CACHD1: variants seen among roughly 807,000 people sequenced by gnomAD.
CACHD1 encodes the protein cache domain containing 1.
Under a neutral mutation model 138.7 loss-of-function variants are expected in CACHD1, and 71 were observed. The observed-to-expected ratio is 0.51, with a 90% CI of 0.42 to 0.62. The LOEUF is 0.62. CACHD1 is among the 20% of genes least tolerant of loss of function. The pLI is 0.00. For synonymous variants in CACHD1, 578 were observed against 591.5 expected, an observed-to-expected ratio of 0.98 and a Z score of 0.33; for missense variants, 1,389 against 1,625.3, an observed-to-expected ratio of 0.85 and a Z score of 2.50.
intron 4 of CACHD1, among the ~76,000 whole-genome samples, chr1:64,614,281 C>T (rs1420978129): frequency 2.6e-5 from 4 of 152,114 alleles, no homozygotes; most frequent in African/African-American, 9.7e-5. Context: ...CCTGGCTGGA[C>T]ATCTGCCTAT....
At position 64,632,705 on chromosome 1, in the gene CACHD1, G is replaced by C; in HGVS notation, c.751G>C (p.Ala251Pro). 1 of 1,614,166 alleles carries C rather than the reference G, an allele frequency of 6.2e-7. No individual in the cohort carries two copies. The change falls in exon 6 of 27, where the codon GCT becomes CCT. Residue 251 changes from alanine (A) to proline (P), a missense_variant. Coordinates refer to ENST00000651257, the MANE Select transcript of CACHD1 (RefSeq NM_020925.4). The stretch of plus-strand genomic sequence containing the variant: ...TCAGCTTCAGATTGCCAAGGACGCT[G>C]CTCAGGTCATCCTCAGCGCCATCGA... Reference protein sequence around the residue: ...DTQLQIAKDAAQVILSAIDEH... With the variant: ...DTQLQIAKDAPQVILSAIDEH...
intron 1 of CACHD1, among the ~76,000 whole-genome samples, chr1:64,475,793 C>T (rs762807573): frequency 3.9e-5 from 6 of 152,146 alleles, no homozygotes; most frequent in Non-Finnish European, 5.9e-5. Context: ...CGTGATCCAC[C>T]CGCCTCGGCC....
intron 3 of CACHD1, among the ~76,000 whole-genome samples, chr1:64,588,525 T>C (rs1647071022): frequency 6.6e-6 from 1 of 151,456 alleles, no homozygotes; most frequent in African/African-American, 2.4e-5. Flanking sequence ...GGATTACAGG[T>C]GCGCCACCAC....
chr1:64,486,055 T>C (rs1165676421), intron 1 of CACHD1, among the ~76,000 whole-genome samples: 5 of 152,166 alleles, frequency 3.3e-5, no homozygotes, highest in Admixed American at 6.5e-5. Flanking sequence ...ATATAAGTCA[T>C]TGTAAAATGT....
rs1309281347 is a variant in CACHD1 at position 64,579,457 on chromosome 1, G to A, written c.262-2699G>A. ...TTTTATTTTAAAGTGAATTTGTGAA[G>A]ATATTTCAAAATTTAGTTCTTTTAA... is the stretch of plus-strand genomic sequence containing the variant. On this transcript the variant is annotated intron_variant, in intron 2 of 26. Transcript: ENST00000651257. Among the ~76,000 whole-genome samples, 5 of 152,098 alleles carry A rather than the reference G, an allele frequency of 3.3e-5. No individual in the cohort carries two copies. In the East Asian group the frequency reaches 7.7e-4, roughly 23 times the overall value.
chr1:64,691,580 G>T lies in CACHD1; in HGVS notation c.*19G>T. The T allele has an allele frequency of 6.3e-7, 1 of 1,596,816 alleles. No homozygotes were observed. Among genetic ancestry groups the T allele is most frequent in the Non-Finnish European group, 8.6e-7 (1 of 1,164,512 alleles). On this transcript the variant is annotated 3_prime_UTR_variant, in exon 27 of 27. Coordinates refer to ENST00000651257, the MANE Select transcript of CACHD1 (RefSeq NM_020925.4). ...ATGCTAACAATCTCCTCACCTCCAC[G>T]CCAAGATGAGATCTGGGAGCTACAG...
chr1:64,508,766 C>CT (rs1646396527), intron 1 of CACHD1, among the ~76,000 whole-genome samples: 1 of 152,224 alleles, frequency 6.6e-6, no homozygotes, highest in East Asian at 1.9e-4. Flanking sequence ...TGTTAAGACA[C>CT]TACCAGGTCT....
rs140966471 is a variant in CACHD1 at position 64,543,402 on chromosome 1, C to CATATATATATATATATATATAT, written c.199-7189_199-7168dup. The stretch of plus-strand genomic sequence containing the variant: ...GAGATCCTATCTCTAAAAAAAAATA[C>CATATATATATATATATATATAT]ATATATATATATATATATATATATT... On this transcript the variant is annotated intron_variant, in intron 1 of 26. Transcript: ENST00000651257. Among the ~76,000 whole-genome samples the CATATATATATATATATATATAT allele has an allele frequency of 3.8e-3, 481 of 126,754 alleles. 5 individuals carry two copies. Among genetic ancestry groups the CATATATATATATATATATATAT allele is most frequent in the African/African-American group, 9.7e-3 (296 of 30,546 alleles). The allele number at this position is 126,754 out of a possible 152,430, so 83.2% of individuals were successfully genotyped here. A position where few individuals can be genotyped will look rare whatever the true frequency, so the allele number is the denominator to read the frequency against.
chr1:64,485,885 T>C (rs1646238981), intron 1 of CACHD1, among the ~76,000 whole-genome samples: 1 of 152,124 alleles, frequency 6.6e-6, no homozygotes, highest in African/African-American at 2.4e-5. Flanking sequence ...TTTCTAGGGG[T>C]GGGATTACTG....
intron 2 of CACHD1, among the ~76,000 whole-genome samples, chr1:64,560,935 A>G (rs10789160): frequency 0.81 from 123,631 of 151,978 alleles, 52,311 homozygotes; most frequent in South Asian, 0.94. Flanking sequence ...GTTATTCTCC[A>G]GTAATATTAT....
In CACHD1 at chr1:64,614,175, C is replaced by A. The variant is rs527362800; in HGVS notation, c.517+11263C>A. ...TGTCAAGTATTCACTAAGTACTAGACCCCTGGCTGGGCATCTCCCTGTGCA... is the reference window on the plus strand; with the variant it reads ...TGTCAAGTATTCACTAAGTACTAGAACCCTGGCTGGGCATCTCCCTGTGCA... On this transcript the variant is annotated intron_variant, in intron 4 of 26. Transcript: ENST00000651257. 4.5e-4 allele frequency among the ~76,000 whole-genome samples: 69 copies of A among 152,360 alleles called. No homozygotes were observed. The South Asian group carries it at 0.014, about 31-fold the overall frequency.
intron 4 of CACHD1, among the ~76,000 whole-genome samples, chr1:64,603,295 G>T (rs11581085): frequency 0.052 from 7,807 of 151,590 alleles, 240 homozygotes; most frequent in Middle Eastern, 0.082. Context: ...TAGTAGAGAC[G>T]GGTTTTCACT....
intron 7 of CACHD1, among the ~76,000 whole-genome samples, chr1:64,641,041 T>TTG (rs1471386073): frequency 1.3e-5 from 2 of 152,108 alleles, no homozygotes; most frequent in Non-Finnish European, 2.9e-5. Context: ...TGTTTTCATT[T>TTG]TGTGTGTGTG....
At chr1:64,477,199 T>C (rs748425343) in intron 1 of CACHD1, among the ~76,000 whole-genome samples, 1 of 152,138 alleles carries the variant, frequency 6.6e-6, no homozygotes, top group Non-Finnish European at 1.5e-5. Context: ...GAAATGTAAA[T>C]ATGAGAGCAG....
At chr1:64,689,637 C>T (rs890792533) in intron 26 of CACHD1, among the ~76,000 whole-genome samples, 1 of 152,118 alleles carries the variant, frequency 6.6e-6, no homozygotes, top group African/African-American at 2.4e-5. Context: ...CTCTTCGGCA[C>T]GGGCTTTATG....
At chr1:64,547,738 A>ACTGG (rs1180783284) in intron 1 of CACHD1, among the ~76,000 whole-genome samples, 3 of 152,160 alleles carry the variant, frequency 2.0e-5, no homozygotes, top group Non-Finnish European at 4.4e-5. Flanking sequence ...TCTAAGTTCT[A>ACTGG]CTGGCTTCCC....
intron 8 of CACHD1, among the ~76,000 whole-genome samples, chr1:64,643,699 G>A (rs868607301): frequency 1.4e-4 from 21 of 152,108 alleles, no homozygotes; most frequent in South Asian, 4.1e-4. Flanking sequence ...TTAGCCAGGC[G>A]TGGTGGCGGG....
intron 1 of CACHD1, among the ~76,000 whole-genome samples, chr1:64,500,078 A>G (rs567501205): frequency 1.3e-5 from 2 of 152,310 alleles, no homozygotes; most frequent in African/African-American, 4.8e-5. Context: ...TTGAGATGTT[A>G]CCATCTCAAA....
At chr1:64,509,571 A>G (rs1448486505) in intron 1 of CACHD1, among the ~76,000 whole-genome samples, 2 of 152,230 alleles carry the variant, frequency 1.3e-5, no homozygotes, top group Admixed American at 6.5e-5. Flanking sequence ...CAGTAATTTT[A>G]TAAGTCTTTA....
Sources: allele counts gnomAD v4.1 joint callset (sites outside exome capture counted in the v4.1 genomes callset), GRCh38; gene constraint gnomAD v4.1.1; transcripts MANE v1.5; gene names NCBI Gene and HGNC (gene_info 2026-07-23, HGNC 2026-07-21).